Variants in C1orf105 observed in about 807,000 individuals in gnomAD.
C1orf105 encodes chromosome 1 open reading frame 105.
Under a neutral mutation model 20.8 loss-of-function variants are expected in C1orf105, and 17 were observed. The ratio of observed to expected loss-of-function variants is 0.82; its 90% confidence interval spans 0.56 to 1.23. The LOEUF (loss-of-function observed/expected upper bound fraction) is 1.23. Among genes scored for constraint, C1orf105 ranks in the 50% most tolerant of loss-of-function variants. The pLI is 0.00. For synonymous variants in C1orf105, 72 were observed against 72.1 expected (o/e 1.00, Z 0.01); for missense variants, 219 against 213.5 (o/e 1.03, Z -0.16).
intron 1 of C1orf105, among the ~76,000 whole-genome samples, chr1:172,432,579 A>T (rs2149161985): frequency 6.7e-6 from 1 of 149,842 alleles, no homozygotes; most frequent in African/African-American, 2.5e-5. Context: ...ACATCAACAA[A>T]AAGGACATCT....
intron 5 of C1orf105, among the ~76,000 whole-genome samples, chr1:172,463,551 T>C (rs983174301): frequency 3.3e-5 from 5 of 152,228 alleles, no homozygotes; most frequent in Non-Finnish European, 5.9e-5. Flanking sequence ...CTCTACATTT[T>C]TAAAGAGCTC....
At chr1:172,426,671 C>G (rs935589857) in intron 1 of C1orf105, among the ~76,000 whole-genome samples, 2 of 151,552 alleles carry the variant, frequency 1.3e-5, no homozygotes, top group African/African-American at 4.9e-5. Flanking sequence ...CTTGTCTTTC[C>G]CCACTCTCTC....
intron 5 of C1orf105, among the ~76,000 whole-genome samples, chr1:172,464,119 T>C (rs192205886): frequency 1.6e-4 from 25 of 152,300 alleles, no homozygotes; most frequent in Admixed American, 1.4e-3. Context: ...ATAATACTTA[T>C]TGAATGAAAA....
chr1:172,438,957 T>C (rs1015774434), intron 1 of C1orf105, among the ~76,000 whole-genome samples: 13 of 152,322 alleles, frequency 8.5e-5, no homozygotes, highest in African/African-American at 3.1e-4. Context: ...AAGAAAGCAT[T>C]TTTAAATTAG....
chr1:172,429,257 GACAC>G (rs1263975061), intron 1 of C1orf105, among the ~76,000 whole-genome samples: 1 of 101,966 alleles, frequency 9.8e-6, no homozygotes, highest in Non-Finnish European at 2.1e-5. Context: ...CACACACACA[GACAC>G]ACACACACAT....
rs141244739 is a variant in C1orf105, at chr1:172,428,433, C to T, written c.21+7527C>T. Among the ~76,000 whole-genome samples the T allele has an allele frequency of 9.7e-4, 148 of 152,330 alleles. 1 individual carries two copies. The highest frequency in any genetic ancestry group is 3.3e-3 in the African/African-American group (138 of 41,564). On this transcript the variant is annotated intron_variant, in intron 1 of 6. Transcript: ENST00000367727. Reference sequence around the variant, plus strand: ...ATGTCATACATAATCTAGCTTCCCACGTTACCTCTACGACTTCGTCTTCTG... The same window carrying T: ...ATGTCATACATAATCTAGCTTCCCATGTTACCTCTACGACTTCGTCTTCTG...
rs538206952 is a variant in C1orf105, at chr1:172,460,272, T to A, written c.274-1906T>A. On this transcript the variant is annotated intron_variant, in intron 4 of 6. Coordinates refer to ENST00000367727, the MANE Select transcript of C1orf105 (RefSeq NM_139240.4). ...TAGATGAATCTCAAAAAAATGTAAA[T>A]AGGACCTGGTTATGTAACTACTCAT... Among the ~76,000 whole-genome samples the A allele has an allele frequency of 5.9e-5, 9 of 152,186 alleles. No individual in the cohort carries two copies. The South Asian group carries it at 6.2e-4, about 11-fold the overall frequency.
At chr1:172,448,554 A>G (rs1405838841) in intron 3 of C1orf105, 23 bp downstream of exon 3, 2 of 1,408,040 alleles carry the variant, frequency 1.4e-6, no homozygotes, top group Non-Finnish European at 2.0e-6. Flanking sequence ...TTTTGTTGAA[A>G]TGAAACCAAC....
rs1650247361 is a variant in C1orf105, at chr1:172,468,719, T to C, written c.*125T>C. On this transcript the variant is annotated 3_prime_UTR_variant, in exon 7 of 7. Transcript: ENST00000367727. ...TCCCAAAAGATGATTTAATTTTGCC[T>C]TCCTAAGATTGCTGGTATTCTAGCT... is the stretch of plus-strand genomic sequence containing the variant. The C allele has an allele frequency of 2.8e-6, 3 of 1,080,562 alleles. No individual in the cohort carries two copies. Among genetic ancestry groups the C allele is most frequent in the Non-Finnish European group, 4.0e-6 (3 of 753,592 alleles). The allele number at this position is 1,080,562 out of a possible 1,614,324, so 66.9% of individuals were successfully genotyped here.
chr1:172,425,527 C>T (rs1486532477), intron 1 of C1orf105, among the ~76,000 whole-genome samples: 3 of 152,114 alleles, frequency 2.0e-5, no homozygotes, highest in Admixed American at 6.5e-5. Context: ...TAATCTGCCT[C>T]TCCCCTGCAG....
At chr1:172,427,753 G>A (rs563645774) in intron 1 of C1orf105, among the ~76,000 whole-genome samples, 1 of 152,274 alleles carries the variant, frequency 6.6e-6, no homozygotes, top group South Asian at 2.1e-4. Flanking sequence ...TGGTTTTGCT[G>A]TCCAAATCTT....
intron 2 of C1orf105, among the ~76,000 whole-genome samples, chr1:172,446,628 C>T (rs1648031848): frequency 6.6e-6 from 1 of 152,226 alleles, no homozygotes; most frequent in African/African-American, 2.4e-5. Flanking sequence ...GCCCCAGCAG[C>T]GAAGAGCAAA....
chr1:172,435,111 T>C (rs553744151), intron 1 of C1orf105, among the ~76,000 whole-genome samples: 1 of 152,102 alleles, frequency 6.6e-6, no homozygotes, highest in Admixed American at 6.5e-5. Context: ...ATTAATAGCC[T>C]ACCAACCAAA....
intron 1 of C1orf105, among the ~76,000 whole-genome samples, chr1:172,428,182 T>A (rs1226567215): frequency 1.3e-5 from 2 of 152,196 alleles, no homozygotes; most frequent in Non-Finnish European, 2.9e-5. Context: ...ACTTTCAAAT[T>A]ACATATAGAA....
chr1:172,423,235 C>G (rs2071636320), intron 1 of C1orf105, among the ~76,000 whole-genome samples: 1 of 152,218 alleles, frequency 6.6e-6, no homozygotes, highest in Non-Finnish European at 1.5e-5. Flanking sequence ...GTGGTGGCCA[C>G]AGGAGTGCTT....
At chr1:172,448,925 A>G (rs1387565571) in intron 3 of C1orf105, among the ~76,000 whole-genome samples, 1 of 150,458 alleles carries the variant, frequency 6.6e-6, no homozygotes. Flanking sequence ...TACATTAAAA[A>G]CTCCTCATTT....
chr1:172,431,726 A>C (rs947695174), intron 1 of C1orf105, among the ~76,000 whole-genome samples: 1 of 152,188 alleles, frequency 6.6e-6, no homozygotes, highest in Non-Finnish European at 1.5e-5. Context: ...GGTTCATCTC[A>C]CTGGGCCTGG....
intron 6 of C1orf105, 104 bp from the exon 7 acceptor site, chr1:172,468,345 A>T (rs942893274): frequency 1.2e-6 from 1 of 850,916 alleles, no homozygotes; most frequent in Non-Finnish European, 1.7e-6. Flanking sequence ...AATCTGTTTT[A>T]TAAGGTTGAA....
intron 2 of C1orf105, among the ~76,000 whole-genome samples, chr1:172,446,694 G>A (rs1648047037): frequency 6.6e-6 from 1 of 152,186 alleles, no homozygotes; most frequent in African/African-American, 2.4e-5. Flanking sequence ...AATTACACAA[G>A]CCTTTGGCAG....
Sources: gnomAD v4.1 joint callset for allele counts (sites outside exome capture counted in the v4.1 genomes callset) on GRCh38, gnomAD v4.1.1 for gene constraint, MANE v1.5 for transcripts, NCBI Gene and HGNC (gene_info 2026-07-23, HGNC 2026-07-21) for gene names.